Variants in PPP2R5E observed in about 807,000 individuals in gnomAD.
PPP2R5E encodes serine/threonine-protein phosphatase 2A 56 kDa regulatory subunit epsilon isoform.
In PPP2R5E, 4 loss-of-function variants were observed where a neutral mutation model predicts 65.3. The observed-to-expected ratio is 0.06, with a 90% CI of 0.03 to 0.14. The LOEUF (loss-of-function observed/expected upper bound fraction) is 0.14, where lower values mean the gene tolerates loss of function less well. Ranked by LOEUF, PPP2R5E falls within the 10% of genes least tolerant of loss-of-function variation. The pLI, the probability that PPP2R5E is intolerant of heterozygous loss-of-function variation, is 1.00. For missense variants in PPP2R5E, 274 were observed against 556.1 expected (o/e 0.49, Z 5.10); for synonymous variants, 183 against 187.4 (o/e 0.98, Z 0.19).
intron 2 of PPP2R5E, among the ~76,000 whole-genome samples, chr14:63,529,869 G>T (rs761536479): frequency 8.5e-5 from 13 of 152,172 alleles, no homozygotes; most frequent in Non-Finnish European, 1.5e-4. Flanking sequence ...AAATATCCAG[G>T]TTACATCCTG....
intron 5 of PPP2R5E, among the ~76,000 whole-genome samples, chr14:63,412,676 C>A (rs1566683476): frequency 6.6e-6 from 1 of 152,146 alleles, no homozygotes; most frequent in Non-Finnish European, 1.5e-5. Flanking sequence ...TTTAGTAATA[C>A]CAGAAAACTT....
At chr14:63,481,495 C>CAAA (rs59764365) in intron 2 of PPP2R5E, among the ~76,000 whole-genome samples, 2 of 93,090 alleles carry the variant, frequency 2.1e-5, no homozygotes, top group African/African-American at 3.0e-5. Flanking sequence ...GACTCCATCT[C>CAAA]AAAAAAAAAA....
intron 3 of PPP2R5E, among the ~76,000 whole-genome samples, chr14:63,448,932 T>C (rs1888662720): frequency 6.6e-6 from 1 of 152,198 alleles, no homozygotes; most frequent in African/African-American, 2.4e-5. Flanking sequence ...TTCATTTAAT[T>C]GTTAAAAATG....
intron 2 of PPP2R5E, among the ~76,000 whole-genome samples, chr14:63,524,382 C>A (rs1262688937): frequency 6.6e-6 from 1 of 152,210 alleles, no homozygotes; most frequent in East Asian, 1.9e-4. Context: ...AAGCAGCCAA[C>A]CACTATTCAG....
rs144382903 is a variant in PPP2R5E at position 63,530,980 on chromosome 14, T to C, written c.157+8549A>G. On this transcript the variant is annotated intron_variant, in intron 2 of 13. Transcript: ENST00000337537. ...TTACCTATGCTACAGAAGCAAACTA[T>C]TAGGATATATTAAAAAATGTATATT... 2.8e-4 allele frequency among the ~76,000 whole-genome samples: 42 copies of C among 152,302 alleles called. 1 individual carries two copies. The highest frequency in any genetic ancestry group is 9.9e-4 in the African/African-American group (41 of 41,558).
At chr14:63,511,605 A>T (rs1892454994) in intron 2 of PPP2R5E, among the ~76,000 whole-genome samples, 1 of 152,242 alleles carries the variant, frequency 6.6e-6, no homozygotes, top group African/African-American at 2.4e-5. Context: ...AATCGAATGC[A>T]AGCCACCTAA....
chr14:63,420,697 A>G (rs983523742), intron 4 of PPP2R5E, among the ~76,000 whole-genome samples: 5 of 152,266 alleles, frequency 3.3e-5, no homozygotes, highest in East Asian at 1.9e-4. Context: ...AGTAGGGGGG[A>G]AAAACTCTTA....
At chr14:63,500,905 C>T (rs73276592) in intron 2 of PPP2R5E, among the ~76,000 whole-genome samples, 6,166 of 152,006 alleles carry the variant, frequency 0.041, 330 homozygotes, top group East Asian at 0.17. Flanking sequence ...GACATCCTAG[C>T]GTAACAGCAG....
chr14:63,477,744 A>G (rs946147639), intron 2 of PPP2R5E, among the ~76,000 whole-genome samples: 3 of 152,084 alleles, frequency 2.0e-5, no homozygotes, highest in African/African-American at 7.2e-5. Context: ...GATCTTACTG[A>G]AAAAGCTCTT....
rs1391365620 is a variant in PPP2R5E at position 63,504,916 on chromosome 14, T to C, written c.157+34613A>G. ...AATGATACCATGCTGTTCACATAAA[T>C]ATGTCTTGCATGACTTAGGTTAAGA... On this transcript the variant is annotated intron_variant, in intron 2 of 13. Coordinates refer to ENST00000337537, the MANE Select transcript of PPP2R5E (RefSeq NM_006246.5). Among the ~76,000 whole-genome samples, 3 of 152,220 alleles carry C rather than the reference T, an allele frequency of 2.0e-5. No individual in the cohort carries two copies. In the East Asian group the frequency reaches 5.8e-4, roughly 29 times the overall value.
At chr14:63,475,157 T>C (rs1890344224) in intron 2 of PPP2R5E, among the ~76,000 whole-genome samples, 1 of 152,258 alleles carries the variant, frequency 6.6e-6, no homozygotes, top group South Asian at 2.1e-4. Flanking sequence ...CTTCTTTTTC[T>C]TGGGTCTTTC....
chr14:63,486,771 G>A (rs1328301312), intron 2 of PPP2R5E, among the ~76,000 whole-genome samples: 4 of 151,992 alleles, frequency 2.6e-5, no homozygotes, highest in African/African-American at 9.7e-5. Context: ...AACTCTGAAG[G>A]CCCCTTTCCA....
At chr14:63,391,182 G>GGGCCT (rs1409098023) in intron 10 of PPP2R5E, among the ~76,000 whole-genome samples, 1 of 152,154 alleles carries the variant, frequency 6.6e-6, no homozygotes, top group Non-Finnish European at 1.5e-5. Context: ...CACCTGATTG[G>GGGCCT]GGCCTGGCCT....
rs1328454932 is a variant in PPP2R5E, at chr14:63,522,769, G to A, written c.157+16760C>T. On this transcript the variant is annotated intron_variant, in intron 2 of 13. Coordinates refer to ENST00000337537, the MANE Select transcript of PPP2R5E (RefSeq NM_006246.5). ...CCGGAAGCCGCCCCGTCTGAGAAGT[G>A]AGGAGCGTCACCGCCCGGCAGCCAC... is the stretch of plus-strand genomic sequence containing the variant. Among the ~76,000 whole-genome samples, 5 of 151,018 alleles carry A rather than the reference G, an allele frequency of 3.3e-5. No individual in the cohort carries two copies. In the East Asian group the frequency reaches 8.0e-4, roughly 24 times the overall value.
chr14:63,486,150 C>T (rs554928947), intron 2 of PPP2R5E, among the ~76,000 whole-genome samples: 1 of 151,770 alleles, frequency 6.6e-6, no homozygotes, highest in Non-Finnish European at 1.5e-5. Flanking sequence ...TTTTTGATGG[C>T]GAAGTCCCCT....
chr14:63,505,219 CG>C (rs1368826468), intron 2 of PPP2R5E, among the ~76,000 whole-genome samples: 1 of 152,002 alleles, frequency 6.6e-6, no homozygotes, highest in African/African-American at 2.4e-5. Context: ...CCCCAGCAGC[CG>C]AGGCTGCAAT....
chr14:63,408,763 A>C (rs1206660888), intron 5 of PPP2R5E, among the ~76,000 whole-genome samples: 2 of 152,132 alleles, frequency 1.3e-5, no homozygotes, highest in African/African-American at 4.8e-5. Flanking sequence ...ACTTTCATAT[A>C]TATTTTTAAA....
At chr14:63,491,385 A>AC (rs1297957890) in intron 2 of PPP2R5E, among the ~76,000 whole-genome samples, 2 of 152,130 alleles carry the variant, frequency 1.3e-5, no homozygotes, top group East Asian at 3.8e-4. Context: ...TTTTAAAAAA[A>AC]AAGCAGTATG....
At chr14:63,430,346 T>TATACATACATACATACATACATGCATAC (rs1887570446) in intron 3 of PPP2R5E, among the ~76,000 whole-genome samples, 1 of 135,148 alleles carries the variant, frequency 7.4e-6, no homozygotes. Flanking sequence ...AAAACCCATG[T>TATACATACATACATACATACATGCATAC]ATACATACAT....
Sources: allele counts gnomAD v4.1 joint callset (sites outside exome capture counted in the v4.1 genomes callset), GRCh38; gene constraint gnomAD v4.1.1; transcripts MANE v1.5; gene names NCBI Gene and HGNC (gene_info 2026-07-23, HGNC 2026-07-21).